PDZD2: variants seen among roughly 807,000 people sequenced by gnomAD.
PDZD2 encodes PDZ domain-containing protein 2.
A neutral mutation model predicts 220.7 loss-of-function variants in PDZD2; 90 were observed. That is an observed-to-expected ratio of 0.41 (90% CI 0.34 to 0.49). The LOEUF (loss-of-function observed/expected upper bound fraction) is 0.49, where lower values mean the gene tolerates loss of function less well. Ranked by LOEUF, PDZD2 falls within the 20% of genes least tolerant of loss-of-function variation. The pLI is 0.28. For synonymous variants in PDZD2, 1,375 were observed against 1,450.5 expected (o/e 0.95, Z 1.18); for missense variants, 3,174 against 3,608.5 (o/e 0.88, Z 3.08).
Position 31,819,240 on chromosome 5 carries a change from A to G in PDZD2, c.476+19516A>G, listed in dbSNP as rs532224564. Among the ~76,000 whole-genome samples, 11 of 152,346 alleles carry G rather than the reference A, an allele frequency of 7.2e-5. No homozygotes were observed. The South Asian group carries it at 2.3e-3, about 32-fold the overall frequency. On this transcript the variant is annotated intron_variant, in intron 2 of 24. Coordinates refer to ENST00000438447, the MANE Select transcript of PDZD2 (RefSeq NM_178140.4). ...CTTAGCACTTGTTTCAAATCAGAAC[A>G]TGTCACTTTGTCTCTCATTCTTTTT...
chr5:32,056,339 T>G (rs558210471), intron 10 of PDZD2, among the ~76,000 whole-genome samples: 8 of 152,320 alleles, frequency 5.3e-5, no homozygotes, highest in African/African-American at 1.7e-4. Flanking sequence ...GCACACAGTG[T>G]GCTCCTGGGA....
rs774783107 is a variant in PDZD2 at position 32,090,773 on chromosome 5, T to G, written c.7325T>G (p.Leu2442Arg). The change falls in exon 20 of 25, where the codon CTA (leucine) becomes CGA (arginine). Residue 2442 changes from leucine to arginine, a missense_variant. Leu to Arg is a moderately radical substitution (Grantham distance 102). Around this residue, in one of 4 missense-constraint regions of PDZD2, gnomAD observed 631 missense variants for 789.9 expected, o/e 0.80. Transcript: ENST00000438447. The surrounding 1 kb of genome is among the most constrained non-coding windows in gnomAD (Gnocchi z 4.3). ...ETSSKGSDSE[L>R]KKSLGPLGIP... Reference sequence around the variant, plus strand: ...AGTAGCAAGGGCTCTGATTCGGAACTAAAGAAATCACTTGGTCCTTTGGGA... The same window carrying G: ...AGTAGCAAGGGCTCTGATTCGGAACGAAAGAAATCACTTGGTCCTTTGGGA... The G allele has an allele frequency of 1.2e-6, 2 of 1,614,100 alleles. No homozygotes were observed. The highest frequency in any genetic ancestry group is 1.7e-6 in the Non-Finnish European group (2 of 1,180,026).
chr5:31,935,087 CA>C (rs57215375), intron 2 of PDZD2, among the ~76,000 whole-genome samples: 29 of 143,470 alleles, frequency 2.0e-4, no homozygotes, highest in Admixed American at 2.8e-4. Context: ...GACCCTGTCT[CA>C]AAAAAAAAAA....
At chr5:32,058,239 C>T in intron 12 of PDZD2, 136 bp downstream of exon 12, 6 of 638,106 alleles carry the variant, frequency 9.4e-6, no homozygotes, top group Non-Finnish European at 1.7e-5. Flanking sequence ...GTGGTCTCTG[C>T]ATGGGACAGT....
chr5:31,848,800 A>G (rs985557481), intron 2 of PDZD2, among the ~76,000 whole-genome samples: 6 of 151,808 alleles, frequency 4.0e-5, no homozygotes, highest in Admixed American at 2.0e-4. Context: ...CTGTAATCCC[A>G]GCACTTTGGG....
chr5:31,788,889 C>A lies in PDZD2; in HGVS notation c.-360-10000C>A, dbSNP rs546670829. Among the ~76,000 whole-genome samples, 170 of 152,230 alleles carry A rather than the reference C, an allele frequency of 1.1e-3. 7 individuals carry two copies. In the South Asian group the frequency reaches 0.034, roughly 30 times the overall value. ...ACACATGCTCTGTATTTTTTGGCAA[C>A]CCTCAAATCGAGGCAGGAACTCAGT... On this transcript the variant is annotated intron_variant, in intron 1 of 24. Coordinates refer to ENST00000438447, the MANE Select transcript of PDZD2 (RefSeq NM_178140.4).
At chr5:31,929,836 A>G (rs1326700014) in intron 2 of PDZD2, among the ~76,000 whole-genome samples, 1 of 152,072 alleles carries the variant, frequency 6.6e-6, no homozygotes, top group Non-Finnish European at 1.5e-5. Context: ...TGTCCCCTCC[A>G]AGTCTCCTGT....
chr5:31,721,722 A>C (rs1561406907), intron 1 of PDZD2, among the ~76,000 whole-genome samples: 1 of 138,212 alleles, frequency 7.2e-6, no homozygotes, highest in South Asian at 2.4e-4. Context: ...TTCTTAAAAA[A>C]AATGAGGCTT....
Position 32,091,112 on chromosome 5 carries a change from G to C in PDZD2, c.7664G>C (p.Ser2555Thr), listed in dbSNP as rs746839664. The C allele has an allele frequency of 6.3e-7, 1 of 1,599,742 alleles. No homozygotes were observed. Among genetic ancestry groups the C allele is most frequent in the Non-Finnish European group, 8.6e-7 (1 of 1,168,124 alleles). Residue 2555 changes from serine to threonine, a missense_variant, in exon 20 of 25, where the codon AGT (serine) becomes ACT (threonine). Ser to Thr is a moderately conservative substitution (Grantham distance 58, BLOSUM62 1). This residue lies in a region of PDZD2 where 631 missense variants were observed against 789.9 expected (regional missense o/e 0.80). Transcript: ENST00000438447. ...GPKTSAAETPSSASDTGEAAQ... is the reference protein window; with the variant it reads ...GPKTSAAETPTSASDTGEAAQ... ...AAAACCAGTGCTGCTGAGACACCCA[G>C]TTCAGCCAGTGATACGGGTGAAGCT...
intron 1 of PDZD2, among the ~76,000 whole-genome samples, chr5:31,700,485 C>G (rs1366221667): frequency 6.6e-6 from 1 of 152,124 alleles, no homozygotes; most frequent in African/African-American, 2.4e-5. Flanking sequence ...CTTTCTCCTC[C>G]ACCCATGTCC....
At chr5:31,874,687 G>C (rs1021232896) in intron 2 of PDZD2, among the ~76,000 whole-genome samples, 8 of 149,586 alleles carry the variant, frequency 5.3e-5, no homozygotes, top group African/African-American at 2.0e-4. Context: ...CTTGAACCAA[G>C]AAGGCAGAGG....
chr5:32,027,702 G>A (rs1561387077), intron 6 of PDZD2, among the ~76,000 whole-genome samples: 1 of 152,244 alleles, frequency 6.6e-6, no homozygotes, highest in Non-Finnish European at 1.5e-5. Flanking sequence ...CGGGTCGAGT[G>A]TAGCAGTAGA....
intron 2 of PDZD2, among the ~76,000 whole-genome samples, chr5:31,974,393 G>A (rs567709345): frequency 1.3e-5 from 2 of 152,232 alleles, no homozygotes; most frequent in East Asian, 3.9e-4. Context: ...ATTGGTTTGA[G>A]TTTTAAGATG....
At chr5:32,041,452 A>G (rs1392310464) in intron 7 of PDZD2, among the ~76,000 whole-genome samples, 1 of 152,062 alleles carries the variant, frequency 6.6e-6, no homozygotes, top group Non-Finnish European at 1.5e-5. Context: ...GTGTCTGTGT[A>G]GAAAGAAGTA....
intron 14 of PDZD2, 50 bp downstream of exon 14, chr5:32,061,184 A>G (rs1739659635): frequency 6.3e-7 from 1 of 1,583,754 alleles, no homozygotes; most frequent in Non-Finnish European, 8.7e-7. Context: ...ACACCTTCCT[A>G]GGATATCGTA....
intron 17 of PDZD2, 149 bp downstream of exon 17, chr5:32,072,466 C>T (rs887882407): frequency 3.5e-5 from 23 of 648,952 alleles, no homozygotes; most frequent in Admixed American, 6.3e-5. Flanking sequence ...CGCGGTGGCT[C>T]ACGCCTGTAA....
intron 1 of PDZD2, among the ~76,000 whole-genome samples, chr5:31,670,935 G>T (rs1269712273): frequency 6.6e-6 from 1 of 152,078 alleles, no homozygotes; most frequent in East Asian, 1.9e-4. Context: ...GCCCCACCAA[G>T]ACCCCTGGAC....
chr5:31,919,275 G>C (rs1389732817), intron 2 of PDZD2, among the ~76,000 whole-genome samples: 2 of 152,076 alleles, frequency 1.3e-5, no homozygotes, highest in African/African-American at 4.8e-5. Flanking sequence ...GGCATTGAAA[G>C]ATTCAGTTAT....
Position 32,057,978 on chromosome 5 carries a change from C to A in PDZD2, c.2075C>A (p.Ser692Tyr), listed in dbSNP as rs1263672602. The A allele has an allele frequency of 3.1e-6, 5 of 1,613,708 alleles. No homozygotes were observed. Among genetic ancestry groups the A allele is most frequent in the Non-Finnish European group, 4.2e-6 (5 of 1,179,788 alleles). Reference sequence around the variant, plus strand: ...CCCACACACATGAGCAGATCCGCCTCCCCGAACTTCAATACCAGTGGGGGA... The same window carrying A: ...CCCACACACATGAGCAGATCCGCCTACCCGAACTTCAATACCAGTGGGGGA... ...STPTHMSRSA[S>Y]PNFNTSGGAS... Residue 692 changes from serine (S) to tyrosine (Y), a missense_variant, in exon 12 of 25, where the codon TCC (serine) becomes TAC (tyrosine). Transcript: ENST00000438447.
Sources: allele counts gnomAD v4.1 joint callset (sites outside exome capture counted in the v4.1 genomes callset), GRCh38; gene constraint gnomAD v4.1.1; regional missense constraint gnomAD v4.1.1; non-coding constraint Gnocchi (gnomAD v3.1); transcripts MANE v1.5; gene names NCBI Gene and HGNC (gene_info 2026-07-23, HGNC 2026-07-21).